NIPBL: variants seen among roughly 807,000 people sequenced by gnomAD.
NIPBL encodes the protein NIPBL cohesin loading factor.
In NIPBL, 19 loss-of-function variants were observed where a neutral mutation model predicts 321.8. The ratio of observed to expected loss-of-function variants is 0.06; its 90% CI spans 0.04 to 0.09. The LOEUF (loss-of-function observed/expected upper bound fraction) is 0.09. Ranked by LOEUF, NIPBL falls within the 10% of genes least tolerant of loss-of-function variation. NIPBL has a pLI of 1.00. For missense variants in NIPBL, 2,210 were observed against 3,327.0 expected (o/e 0.66, Z 8.26); for synonymous variants, 1,106 against 1,114.1 (o/e 0.99, Z 0.14).
intron 32 of NIPBL, among the ~76,000 whole-genome samples, chr5:37,027,950 G>C (rs971041803): frequency 2.0e-5 from 3 of 152,074 alleles, no homozygotes; most frequent in Non-Finnish European, 4.4e-5. Flanking sequence ...TAAGTTTTCT[G>C]AATCATTAAC....
chr5:36,973,465 T>G (rs1743102511), intron 8 of NIPBL, among the ~76,000 whole-genome samples: 1 of 151,824 alleles, frequency 6.6e-6, no homozygotes, highest in African/African-American at 2.4e-5. Flanking sequence ...GTCATCTAGG[T>G]TTTTTTTCTT....
intron 1 of NIPBL, among the ~76,000 whole-genome samples, chr5:36,940,011 AAC>A (rs1372894087): frequency 6.6e-6 from 1 of 152,208 alleles, no homozygotes; most frequent in Non-Finnish European, 1.5e-5. Context: ...TTTTTGCATG[AAC>A]ACAGTTTTCA....
chr5:36,968,860 A>G (rs2149616622), intron 6 of NIPBL, among the ~76,000 whole-genome samples: 1 of 152,328 alleles, frequency 6.6e-6, no homozygotes, highest in Non-Finnish European at 1.5e-5. Context: ...ACTATGTATA[A>G]TTATTGGTAA....
chr5:37,044,770 C>T (rs80358353), intron 36 of NIPBL, 41 bp downstream of exon 36: 12 of 1,386,240 alleles, frequency 8.7e-6, no homozygotes, highest in Non-Finnish European at 1.2e-5. Flanking sequence ...TCTGCTAGGT[C>T]CTGCAGGGGG....
At chr5:37,044,135 A>G (rs1164009871) in intron 34 of NIPBL, among the ~76,000 whole-genome samples, 1 of 152,160 alleles carries the variant, frequency 6.6e-6, no homozygotes, top group Non-Finnish European at 1.5e-5. Flanking sequence ...GTGACCCCAA[A>G]GTCACATTTT....
chr5:36,919,925 CTTG>C (rs757212416), intron 1 of NIPBL, among the ~76,000 whole-genome samples: 13 of 151,934 alleles, frequency 8.6e-5, no homozygotes, highest in Non-Finnish European at 1.9e-4. Context: ...ATCTTTTAAA[CTTG>C]TTGTCAGGTA....
At chr5:37,049,007 A>T in intron 39 of NIPBL, 104 bp from the exon 40 acceptor site, 1 of 1,097,424 alleles carries the variant, frequency 9.1e-7, no homozygotes, top group Non-Finnish European at 1.4e-6. Context: ...CCAGAACACT[A>T]GCTGTAACGT....
chr5:37,032,383 A>G (rs1040180370), intron 32 of NIPBL, among the ~76,000 whole-genome samples: 4 of 125,682 alleles, frequency 3.2e-5, no homozygotes, highest in African/African-American at 9.0e-5. Context: ...GCATACATGT[A>G]TACGTGTGTG....
intron 33 of NIPBL, among the ~76,000 whole-genome samples, chr5:37,037,761 C>G (rs1352303955): frequency 6.6e-6 from 1 of 150,546 alleles, no homozygotes. Flanking sequence ...CTAATTTCCT[C>G]TAAAAATTTG....
At chr5:37,013,242 G>T (rs1251471777) in intron 21 of NIPBL, among the ~76,000 whole-genome samples, 1 of 150,948 alleles carries the variant, frequency 6.6e-6, no homozygotes, top group African/African-American at 2.4e-5. Flanking sequence ...CAGTAGGCGC[G>T]GCCGGGCAGA....
At chr5:36,938,341 C>A (rs1413233550) in intron 1 of NIPBL, among the ~76,000 whole-genome samples, 1 of 151,908 alleles carries the variant, frequency 6.6e-6, no homozygotes, top group East Asian at 1.9e-4. Context: ...CACACACACA[C>A]ACACCCCCGA....
At chr5:36,905,752 T>A (rs542475987) in intron 1 of NIPBL, among the ~76,000 whole-genome samples, 5 of 144,282 alleles carry the variant, frequency 3.5e-5, no homozygotes, top group Admixed American at 2.7e-4. Context: ...TGTTTTTGTG[T>A]TTTTTTTTTG....
intron 1 of NIPBL, among the ~76,000 whole-genome samples, chr5:36,899,268 G>A (rs1747024298): frequency 6.6e-6 from 1 of 152,106 alleles, no homozygotes; most frequent in Non-Finnish European, 1.5e-5. Context: ...AAATGTTGAA[G>A]AAAACTTAAT....
At position 36,898,700 on chromosome 5, in the gene NIPBL, G is replaced by C. The variant is rs564374941; in HGVS notation, c.-80+21522G>C. Among the ~76,000 whole-genome samples, 87 of 152,028 alleles carry C rather than the reference G, an allele frequency of 5.7e-4. 1 individual carries two copies. In the South Asian group the frequency reaches 0.017, roughly 30 times the overall value. On this transcript the variant is annotated intron_variant, in intron 1 of 46. Coordinates refer to ENST00000282516, the MANE Select transcript of NIPBL (RefSeq NM_133433.4). Reference sequence around the variant, plus strand: ...CCAATTTTGTATTTTTAGCAGAGATGGGGTTTCTCCATGTTGGTCAGGCTG... The same window carrying C: ...CCAATTTTGTATTTTTAGCAGAGATCGGGTTTCTCCATGTTGGTCAGGCTG...
chr5:37,026,683 A>G (rs768788186), intron 31 of NIPBL, among the ~76,000 whole-genome samples: 2 of 152,214 alleles, frequency 1.3e-5, no homozygotes, highest in Non-Finnish European at 2.9e-5. Flanking sequence ...AATTATGAAT[A>G]TGGATTAGCT....
chr5:36,920,897 C>T (rs1169223093), intron 1 of NIPBL, among the ~76,000 whole-genome samples: 1 of 150,940 alleles, frequency 6.6e-6, no homozygotes, highest in Non-Finnish European at 1.5e-5. Flanking sequence ...CTATAGTTGT[C>T]ACTTTCTTCT....
intron 1 of NIPBL, among the ~76,000 whole-genome samples, chr5:36,892,567 A>T (rs1746421655): frequency 6.6e-6 from 1 of 152,234 alleles, no homozygotes; most frequent in Admixed American, 6.5e-5. Context: ...GACTGGATTA[A>T]GAAAATGTGG....
In NIPBL at chr5:36,914,381, C is replaced by G. The variant is rs1034798652; in HGVS notation, c.-80+37203C>G. 9.3e-5 allele frequency among the ~76,000 whole-genome samples: 14 copies of G among 151,048 alleles called. 1 individual carries two copies. The East Asian group carries it at 1.3e-3, about 15-fold the overall frequency. On this transcript the variant is annotated intron_variant, in intron 1 of 46. Transcript: ENST00000282516. The stretch of plus-strand genomic sequence containing the variant: ...AATTGTACTAAAAAAGTGTTACAGG[C>G]CGAGTATCTCTAATCCAAAAATCTG...
At chr5:37,057,434 A>T (rs1754217250) in intron 43 of NIPBL, 102 bp downstream of exon 43, 4 of 1,181,846 alleles carry the variant, frequency 3.4e-6, no homozygotes, top group Non-Finnish European at 4.9e-6. Context: ...CTTCACGAGT[A>T]TATAAAATCT....
Sources: allele counts gnomAD v4.1 joint callset (sites outside exome capture counted in the v4.1 genomes callset), GRCh38; gene constraint gnomAD v4.1.1; transcripts MANE v1.5; gene names NCBI Gene and HGNC (gene_info 2026-07-23, HGNC 2026-07-21).